GPHN: variants seen among roughly 807,000 people sequenced by gnomAD.
GPHN encodes the protein gephyrin.
A neutral mutation model predicts 95.5 loss-of-function variants in GPHN; 17 were observed. The observed-to-expected ratio is 0.18, with a 90% confidence interval of 0.12 to 0.27. The LOEUF is 0.27. Among genes scored for constraint, GPHN ranks in the 10% least tolerant of loss-of-function variants. The pLI is 1.00. For missense variants in GPHN, 660 were observed against 978.1 expected (o/e 0.67, Z 4.34); for synonymous variants, 320 against 322.5 (o/e 0.99, Z 0.08).
the GPHN span, among the ~76,000 whole-genome samples, chr14:67,374,163 C>T: frequency 2.0e-5 from 3 of 152,152 alleles, no homozygotes; most frequent in African/African-American, 7.2e-5. Flanking sequence ...TGAGCACCAA[C>T]ATGACACTCA....
chr14:67,312,386 TG>T, the GPHN span: 1 of 543,448 alleles, frequency 1.8e-6, no homozygotes, highest in Non-Finnish European at 2.9e-6. Flanking sequence ...GAGATTATCC[TG>T]GACAACATAC....
intron 8 of GPHN, among the ~76,000 whole-genome samples, chr14:66,955,859 C>G (rs2068467496): frequency 6.6e-6 from 1 of 152,192 alleles, no homozygotes; most frequent in Admixed American, 6.5e-5. Flanking sequence ...CCATCTTCAT[C>G]CATGTCCCTA....
chr14:67,337,375 G>A, the GPHN span: 1 of 152,190 alleles, frequency 6.6e-6, no homozygotes. Context: ...AGCCGGGCAT[G>A]GTGGCGCAAA....
At chr14:67,314,793 T>A in the GPHN span, among the ~76,000 whole-genome samples, 10 of 152,328 alleles carry the variant, frequency 6.6e-5, no homozygotes, top group African/African-American at 2.2e-4. Flanking sequence ...CAGATTTTTT[T>A]AAGAGGTCAT....
At chr14:66,750,054 T>C (rs1268208164) in intron 2 of GPHN, among the ~76,000 whole-genome samples, 1 of 151,934 alleles carries the variant, frequency 6.6e-6, no homozygotes, top group Non-Finnish European at 1.5e-5. Flanking sequence ...TTGACTATAG[T>C]CACCCAGTTT....
the GPHN span, among the ~76,000 whole-genome samples, chr14:67,501,062 A>ATAG: frequency 6.8e-6 from 1 of 147,640 alleles, no homozygotes; most frequent in Non-Finnish European, 1.5e-5. Context: ...AATAATAATA[A>ATAG]TAATAATAAT....
intron 4 of GPHN, among the ~76,000 whole-genome samples, chr14:66,845,642 T>C (rs17247862): frequency 0.25 from 38,164 of 151,990 alleles, 9,711 homozygotes; most frequent in African/African-American, 0.62. Flanking sequence ...CAGGTCATGT[T>C]TAGAGGAACC....
At chr14:67,381,827 G>GT in the GPHN span, 11 of 572,460 alleles carry the variant, frequency 1.9e-5, no homozygotes, top group African/African-American at 1.7e-4. Context: ...TTGAGCAGTG[G>GT]TTCTTGGTAA....
At chr14:67,194,591 C>T in the GPHN span, among the ~76,000 whole-genome samples, 2,924 of 152,102 alleles carry the variant, frequency 0.019, 38 homozygotes, top group Middle Eastern at 0.034. Flanking sequence ...CTGCAACCTC[C>T]GCCTCCCGGG....
chr14:67,345,012 C>T, the GPHN span, among the ~76,000 whole-genome samples: 2 of 151,582 alleles, frequency 1.3e-5, no homozygotes, highest in Non-Finnish European at 2.9e-5. Flanking sequence ...AAGGATGAGG[C>T]GGGCTGATTA....
At chr14:67,244,416 G>A in the GPHN span, among the ~76,000 whole-genome samples, 2 of 152,176 alleles carry the variant, frequency 1.3e-5, no homozygotes, top group Non-Finnish European at 2.9e-5. Context: ...ACTGGGCATC[G>A]TAAGATTTTA....
At chr14:67,099,176 C>T (rs1443740216) in intron 12 of GPHN, among the ~76,000 whole-genome samples, 2 of 150,386 alleles carry the variant, frequency 1.3e-5, no homozygotes, top group Non-Finnish European at 2.9e-5. Context: ...ATGGCACGAT[C>T]TCAGCTCACC....
chr14:67,485,539 C>T, the GPHN span, among the ~76,000 whole-genome samples: 1 of 152,156 alleles, frequency 6.6e-6, no homozygotes, highest in East Asian at 1.9e-4. Context: ...CCTAGGAACT[C>T]CAAAAAAAGC....
At chr14:67,038,009 T>C (rs1021349868) in intron 10 of GPHN, among the ~76,000 whole-genome samples, 20 of 152,076 alleles carry the variant, frequency 1.3e-4, no homozygotes, top group Non-Finnish European at 2.9e-5. Flanking sequence ...ACACCTGTGT[T>C]CATCACAGCA....
At chr14:66,984,828 C>T (rs1269326095) in intron 9 of GPHN, among the ~76,000 whole-genome samples, 1 of 151,774 alleles carries the variant, frequency 6.6e-6, no homozygotes, top group Non-Finnish European at 1.5e-5. Context: ...GCTTCCTATC[C>T]CCTTTGCTCT....
downstream of GPHN, among the ~76,000 whole-genome samples, chr14:67,186,540 G>GA (rs993616287): frequency 2.8e-4 from 42 of 152,176 alleles, no homozygotes; most frequent in African/African-American, 9.9e-4. Context: ...TAGGTTAGGG[G>GA]AATCACAGCT....
At position 66,776,180 on chromosome 14, in the gene GPHN, G is replaced by A. The variant is rs76038135; in HGVS notation, c.144-284G>A. ...ATGCATGTTAGCTGTGACAGAATAC[G>A]GCAGTAAAAGTGACAGTTTCAGCAT... On this transcript the variant is annotated intron_variant, in intron 2 of 22. Coordinates refer to ENST00000478722, the MANE Select transcript of GPHN (RefSeq NM_020806.5). Among the ~76,000 whole-genome samples, 473 of 152,144 alleles carry A rather than the reference G, an allele frequency of 3.1e-3. 11 individuals are homozygous for A. The highest frequency in any genetic ancestry group is 0.011 in the African/African-American group (445 of 41,510).
chr14:67,117,314 T>A (rs1488632351), intron 16 of GPHN, among the ~76,000 whole-genome samples: 1 of 152,228 alleles, frequency 6.6e-6, no homozygotes, highest in African/African-American at 2.4e-5. Context: ...ATAATTGTAG[T>A]CATATCAAAA....
chr14:67,712,493 CA>C, the GPHN span, among the ~76,000 whole-genome samples: 999 of 38,632 alleles, frequency 0.026, 13 homozygotes, highest in East Asian at 0.067. Flanking sequence ...AAAAAACTTG[CA>C]AAAAAAAAAA....
Sources: gnomAD v4.1 joint callset for allele counts (sites outside exome capture counted in the v4.1 genomes callset) on GRCh38, gnomAD v4.1.1 for gene constraint, MANE v1.5 for transcripts, NCBI Gene and HGNC (gene_info 2026-07-23, HGNC 2026-07-21) for gene names.